Variants in SCAF8 observed in about 807,000 individuals in gnomAD.
The protein encoded by SCAF8 is SR-related CTD associated factor 8.
In SCAF8, 23 loss-of-function variants were observed where a neutral mutation model predicts 140.5. That is an observed-to-expected ratio of 0.16 (90% CI 0.12 to 0.23). The LOEUF (loss-of-function observed/expected upper bound fraction) is 0.23, where lower values mean the gene tolerates loss of function less well. Ranked by LOEUF, SCAF8 falls within the 10% of genes least tolerant of loss-of-function variation. The pLI is 1.00. For synonymous variants in SCAF8, 575 were observed against 528.9 expected, an observed-to-expected ratio of 1.09 and a Z score of -1.20; for missense variants, 1,397 against 1,555.7, an observed-to-expected ratio of 0.90 and a Z score of 1.72.
At position 154,832,919 on chromosome 6, in the gene SCAF8, A is replaced by C; in HGVS notation, c.3340A>C (p.Lys1114Gln). The change falls in exon 20 of 20, where the codon AAA (lysine) becomes CAA (glutamine). Residue 1114 changes from lysine (K) to glutamine (Q), a missense_variant. Around this residue, in one of 5 missense-constraint regions of SCAF8, gnomAD observed 930 missense variants for 874.6 expected, o/e 1.06. Coordinates refer to ENST00000367178, the MANE Select transcript of SCAF8 (RefSeq NM_014892.5). The part of the protein sequence containing the change: ...HRVLPVYGGP[K>Q]GLHEERGRFR... ...GGTTCTACCGGTCTATGGTGGTCCAAAAGGCTTACATGAAGAAAGAGGTAG... is the reference window on the plus strand; with the variant it reads ...GGTTCTACCGGTCTATGGTGGTCCACAAGGCTTACATGAAGAAAGAGGTAG... The C allele has an allele frequency of 6.2e-7, 1 of 1,614,140 alleles. No individual in the cohort carries two copies. The highest frequency in any genetic ancestry group is 1.3e-5 in the African/African-American group (1 of 75,050).
At position 154,771,865 on chromosome 6, in the gene SCAF8, C is replaced by T. The variant is rs540485324; in HGVS notation, c.31-2124C>T. 3.3e-5 allele frequency among the ~76,000 whole-genome samples: 5 copies of T among 152,042 alleles called. No homozygotes were observed. In the East Asian group the frequency reaches 5.8e-4, roughly 18 times the overall value. On this transcript the variant is annotated intron_variant, in intron 1 of 19. Coordinates refer to ENST00000367178, the MANE Select transcript of SCAF8 (RefSeq NM_014892.5). ...AGTGACAAACCTGCACATGTACCCCCGAATTCTAAAATAGAAGTTGGGGGG... is the reference window on the plus strand; with the variant it reads ...AGTGACAAACCTGCACATGTACCCCTGAATTCTAAAATAGAAGTTGGGGGG...
chr6:154,831,182 C>A, intron 19 of SCAF8, 42 bp downstream of exon 19: 1 of 1,241,902 alleles, frequency 8.1e-7, no homozygotes, highest in Non-Finnish European at 1.1e-6. Flanking sequence ...GGTTGCCTCT[C>A]TGTATTTGGT....
chr6:154,807,024 A>G (rs1440919882), intron 9 of SCAF8, among the ~76,000 whole-genome samples: 1 of 152,220 alleles, frequency 6.6e-6, no homozygotes, highest in East Asian at 1.9e-4. Flanking sequence ...AGATTTGTTG[A>G]GCTATAAATG....
chr6:154,797,737 C>G (rs572737748), intron 6 of SCAF8, among the ~76,000 whole-genome samples: 3 of 151,454 alleles, frequency 2.0e-5, no homozygotes, highest in Admixed American at 2.0e-4. Flanking sequence ...CAGGAACATG[C>G]AATAATTACA....
Position 154,764,797 on chromosome 6 carries a change from T to G in SCAF8, c.31-9192T>G, listed in dbSNP as rs184750185. 5.1e-3 allele frequency among the ~76,000 whole-genome samples: 772 copies of G among 152,282 alleles called. 11 individuals carry two copies. The highest frequency in any genetic ancestry group is 0.048 in the Middle Eastern group (14 of 294). On this transcript the variant is annotated intron_variant, in intron 1 of 19. Transcript: ENST00000367178. ...GTAAGGTCCCAGAATCAGCTTTCAT[T>G]CTTTTTCAGCGTTTTTCAGCGTAAA...
intron 1 of SCAF8, among the ~76,000 whole-genome samples, chr6:154,747,654 AAACAAGAATTATAATCGAGCAG>A (rs1385769646): frequency 6.6e-6 from 1 of 152,232 alleles, no homozygotes; most frequent in Non-Finnish European, 1.5e-5. Context: ...TGCTACTTGT[AAACAAGAATTATAATCGAGCAG>A]AACAGTATAG....
intron 4 of SCAF8, among the ~76,000 whole-genome samples, chr6:154,791,233 A>G (rs948808467): frequency 9.2e-5 from 14 of 152,200 alleles, no homozygotes; most frequent in Non-Finnish European, 1.8e-4. Context: ...GAATTTTTCT[A>G]GTTACCAAGT....
intron 7 of SCAF8, among the ~76,000 whole-genome samples, chr6:154,802,503 G>C (rs182140503): frequency 6.6e-6 from 1 of 151,932 alleles, no homozygotes; most frequent in African/African-American, 2.4e-5. Flanking sequence ...TGTAATCCCA[G>C]CTACTGGGGA....
At chr6:154,781,394 C>A (rs549538875) in intron 3 of SCAF8, among the ~76,000 whole-genome samples, 2 of 152,156 alleles carry the variant, frequency 1.3e-5, no homozygotes, top group African/African-American at 4.8e-5. Context: ...GAATCAATAT[C>A]GTGAACATGG....
rs541212680 is a variant in SCAF8, at chr6:154,822,148, G to A, written c.1793-128G>A. 1,515 of 902,294 alleles carry A rather than the reference G, an allele frequency of 1.7e-3. 11 individuals carry two copies. The highest frequency in any genetic ancestry group is 0.013 in the South Asian group (518 of 41,274). 55.9% of individuals were successfully genotyped at this position (902,294 alleles called of 1,614,324 possible). ...GGCAGAAATCTAGAGTGGCACCTAC[G>A]GTTGTGGATATATCTTAAAGATGTG... On this transcript the variant is annotated intron_variant, in intron 15 of 19. Transcript: ENST00000367178.
At chr6:154,805,252 A>G in intron 8 of SCAF8, 117 bp from the exon 9 acceptor site, 1 of 577,160 alleles carries the variant, frequency 1.7e-6, no homozygotes, top group Non-Finnish European at 3.1e-6. Flanking sequence ...GCAAAAGAAA[A>G]CATGCAGTAG....
Position 154,803,536 on chromosome 6 carries a change from T to TC in SCAF8, c.784-3dup, listed in dbSNP as rs1777830159. On this transcript the variant is annotated splice_polypyrimidine_tract_variant and splice_region_variant and intron_variant, in intron 7 of 19. Coordinates refer to ENST00000367178, the MANE Select transcript of SCAF8 (RefSeq NM_014892.5). ...TTTAATATGTCTGTTTCTCCTTCTT[T>TC]CCCCCAGAAGTTGATGGATAGGTTT... The TC allele has an allele frequency of 3.1e-6, 5 of 1,605,494 alleles. No homozygotes were observed. In the East Asian group the frequency reaches 8.9e-5, roughly 29 times the overall value.
At chr6:154,754,568 C>A (rs1269269438) in intron 1 of SCAF8, among the ~76,000 whole-genome samples, 2 of 152,198 alleles carry the variant, frequency 1.3e-5, no homozygotes, top group Non-Finnish European at 2.9e-5. Flanking sequence ...TCAGGCCATT[C>A]TGAAAGCAAA....
At chr6:154,827,846 C>T (rs924377606) in intron 18 of SCAF8, among the ~76,000 whole-genome samples, 4 of 110,040 alleles carry the variant, frequency 3.6e-5, no homozygotes, top group East Asian at 2.6e-4. Context: ...GGGGGGGGGG[C>T]GGTGTAAAAC....
At chr6:154,746,771 G>A (rs1778709936) in intron 1 of SCAF8, among the ~76,000 whole-genome samples, 1 of 152,092 alleles carries the variant, frequency 6.6e-6, no homozygotes. Context: ...CCCACTTAAA[G>A]TGGTTTTGCT....
chr6:154,779,755 T>C (rs1489320604), intron 3 of SCAF8, among the ~76,000 whole-genome samples: 1 of 141,392 alleles, frequency 7.1e-6, no homozygotes, highest in Non-Finnish European at 1.5e-5. Flanking sequence ...ATGGTTAAAA[T>C]AAGGTGTGTG....
Position 154,833,536 on chromosome 6 carries a change from ATAAT to A in SCAF8, c.*143_*146del. 1 of 778,152 alleles carries A rather than the reference ATAAT, an allele frequency of 1.3e-6. No individual in the cohort carries two copies. Among genetic ancestry groups the A allele is most frequent in the South Asian group, 2.0e-5 (1 of 50,984 alleles). The allele number at this position is 778,152 out of a possible 1,614,324, so 48.2% of individuals were successfully genotyped here. On this transcript the variant is annotated 3_prime_UTR_variant, in exon 20 of 20. Transcript: ENST00000367178. ...TGTTCATGTTCACCTTTCTCTTAAAATAATTGTACAACTGACTTGTATAGACATT... is the reference window on the plus strand; with the variant it reads ...TGTTCATGTTCACCTTTCTCTTAAAATGTACAACTGACTTGTATAGACATT...
At chr6:154,759,959 G>C (rs371431169) in intron 1 of SCAF8, among the ~76,000 whole-genome samples, 2 of 151,336 alleles carry the variant, frequency 1.3e-5, no homozygotes, top group African/African-American at 4.8e-5. Flanking sequence ...GTGAGCCACC[G>C]TGCCTGGCCA....
chr6:154,831,229 C>T, intron 19 of SCAF8, 89 bp downstream of exon 19: 1 of 726,594 alleles, frequency 1.4e-6, no homozygotes, highest in Non-Finnish European at 2.2e-6. Flanking sequence ...GTAACCACTT[C>T]AATCTACAGA....
Sources: allele counts gnomAD v4.1 joint callset (sites outside exome capture counted in the v4.1 genomes callset), GRCh38; gene constraint gnomAD v4.1.1; regional missense constraint gnomAD v4.1.1; transcripts MANE v1.5; gene names NCBI Gene and HGNC (gene_info 2026-07-23, HGNC 2026-07-21).